Variants in INTS14 observed in about 807,000 individuals in gnomAD.
INTS14 encodes UPF0464 protein C15orf44.
A neutral mutation model predicts 56.9 loss-of-function variants in INTS14; 27 were observed. That is an observed-to-expected ratio of 0.47 (90% CI 0.35 to 0.65). The LOEUF (loss-of-function observed/expected upper bound fraction) is 0.65, where lower values mean the gene tolerates loss of function less well. Ranked by LOEUF, INTS14 falls within the 30% of genes least tolerant of loss-of-function variation. INTS14 has a pLI of 0.00. For synonymous variants in INTS14, 207 were observed against 236.2 expected, an observed-to-expected ratio of 0.88 and a Z score of 1.13; for missense variants, 517 against 632.2, an observed-to-expected ratio of 0.82 and a Z score of 1.95.
chr15:65,591,732 C>G lies in INTS14; in HGVS notation c.987-1G>C. ...GTAGAGCATTCCATGCCATTCAGGA[C>G]TAGATGGAGAGAAGACGGAAGATCA... On this transcript the variant is annotated splice_acceptor_variant, in intron 8 of 11. Coordinates refer to ENST00000313182, the MANE Select transcript of INTS14 (RefSeq NM_001394796.1). LOFTEE classifies it high-confidence loss of function. The G allele has an allele frequency of 1.2e-6, 2 of 1,613,716 alleles. No individual in the cohort carries two copies. The highest frequency in any genetic ancestry group is 2.2e-5 in the South Asian group (2 of 91,008).
At chr15:65,601,506 C>T (rs1002961641) in intron 3 of INTS14, among the ~76,000 whole-genome samples, 1 of 152,134 alleles carries the variant, frequency 6.6e-6, no homozygotes, top group Non-Finnish European at 1.5e-5. Context: ...TAAAGCCCAC[C>T]TAATTTTTGT....
At chr15:65,579,684 A>G (rs370054309) in intron 11 of INTS14, 25 bp from the exon 12 acceptor site, 30 of 1,604,330 alleles carry the variant, frequency 1.9e-5, no homozygotes, top group African/African-American at 1.2e-4. Flanking sequence ...AAAATCACCA[A>G]TGCTCCTGAA....
At chr15:65,607,029 G>A in intron 2 of INTS14, 130 bp downstream of exon 2, 4 of 1,161,246 alleles carry the variant, frequency 3.4e-6, no homozygotes, top group Non-Finnish European at 4.8e-6. Context: ...TTGCTGTTTA[G>A]TTACACATAT....
At chr15:65,610,778 TG>T in intron 1 of INTS14, 1 of 1,535,632 alleles carries the variant, frequency 6.5e-7, no homozygotes. Flanking sequence ...AAATCACATC[TG>T]GGAGATGTAT....
intron 9 of INTS14, among the ~76,000 whole-genome samples, chr15:65,589,469 A>G (rs1421411808): frequency 6.6e-6 from 1 of 152,110 alleles, no homozygotes; most frequent in Non-Finnish European, 1.5e-5. Context: ...AATATTTATC[A>G]TTTCTTTGTG....
chr15:65,594,557 T>TA (rs2073145279), intron 7 of INTS14, among the ~76,000 whole-genome samples: 1 of 116,084 alleles, frequency 8.6e-6, no homozygotes, highest in Admixed American at 8.0e-5. Flanking sequence ...TACGCCCAGG[T>TA]TTTTTTTTTT....
intron 11 of INTS14, among the ~76,000 whole-genome samples, chr15:65,580,587 A>G (rs536247127): frequency 6.6e-6 from 1 of 152,314 alleles, no homozygotes; most frequent in Admixed American, 6.5e-5. Context: ...CTTACTACAT[A>G]ATTAAGTTTG....
rs2073032298 is a variant in INTS14, at chr15:65,591,595, T to C, written c.1120+3A>G. ...GATAAGTAAAATCTGATCTGGATTA[T>C]ACCTGAAATAGGACCCAACTGTGCC... On this transcript the variant is annotated splice_donor_region_variant and intron_variant, in intron 9 of 11. Transcript: ENST00000313182. The C allele has an allele frequency of 1.9e-6, 3 of 1,613,496 alleles. No homozygotes were observed. The highest frequency in any genetic ancestry group is 1.1e-5 in the South Asian group (1 of 90,944).
rs780991986 is a variant in INTS14, at chr15:65,595,874, C to T, written c.749-49G>A. The T allele has an allele frequency of 5.1e-6, 7 of 1,381,744 alleles. No homozygotes were observed. In the East Asian group the frequency reaches 1.4e-4, roughly 28 times the overall value. 85.6% of individuals were successfully genotyped at this position (1,381,744 alleles called of 1,614,324 possible). ...AATTAATTCATTCTATGGAAAAGTA[C>T]ATTATTTTCCATGTATTACATTTCA... is the stretch of plus-strand genomic sequence containing the variant. On this transcript the variant is annotated intron_variant, in intron 6 of 11. Transcript: ENST00000313182.
chr15:65,591,911 C>A (rs2073047728), intron 8 of INTS14, among the ~76,000 whole-genome samples, 180 bp from the exon 9 acceptor site: 2 of 152,202 alleles, frequency 1.3e-5, no homozygotes, highest in Admixed American at 6.5e-5. Context: ...CCTAATATTT[C>A]CATTCTTCTG....
At chr15:65,591,159 GAAGAA>G (rs1459986470) in intron 9 of INTS14, among the ~76,000 whole-genome samples, 1 of 152,118 alleles carries the variant, frequency 6.6e-6, no homozygotes, top group East Asian at 1.9e-4. Context: ...GAGGCAAGGA[GAAGAA>G]AAGACAAAAC....
rs749075069 is a variant in INTS14 at position 65,605,118 on chromosome 15, T to C, written c.330+11A>G. 8 of 1,606,850 alleles carry C rather than the reference T, an allele frequency of 5.0e-6. No homozygotes were observed. Among genetic ancestry groups the C allele is most frequent in the South Asian group, 4.4e-5 (4 of 90,896 alleles). On this transcript the variant is annotated intron_variant, in intron 3 of 11. Transcript: ENST00000313182. ...GTTAACTTAGGGCAATGAAAAAGAA[T>C]TGATCATTACCTGGCAAGGAATTGC... is the stretch of plus-strand genomic sequence containing the variant.
At chr15:65,586,033 C>T (rs2072807899) in intron 9 of INTS14, among the ~76,000 whole-genome samples, 1 of 152,152 alleles carries the variant, frequency 6.6e-6, no homozygotes, top group Non-Finnish European at 1.5e-5. Flanking sequence ...CCTGCTATTT[C>T]TATTACTCCT....
At position 65,593,501 on chromosome 15, in the gene INTS14, T is replaced by G; in HGVS notation, c.913A>C (p.Lys305Gln). 1 of 1,614,004 alleles carries G rather than the reference T, an allele frequency of 6.2e-7. No homozygotes were observed. The highest frequency in any genetic ancestry group is 8.5e-7 in the Non-Finnish European group (1 of 1,179,962). ...AGCAGGACACAAAAGTTGGGTATTT[T>G]GCCTGCAATCTGATTGGCTGAATTT... The part of the protein sequence containing the change: ...DENSANQIAG[K>Q]IPNFCVLLHG... The change falls in exon 8 of 12, where the codon AAA becomes CAA. Residue 305 changes from lysine (K) to glutamine (Q), a missense_variant. Physicochemically the swap from Lys to Gln is moderately conservative, Grantham distance 53. Coordinates refer to ENST00000313182, the MANE Select transcript of INTS14 (RefSeq NM_001394796.1).
At chr15:65,583,079 C>T (rs2072684817) in intron 10 of INTS14, among the ~76,000 whole-genome samples, 1 of 152,178 alleles carries the variant, frequency 6.6e-6, no homozygotes, top group South Asian at 2.1e-4. Context: ...AACACTTATA[C>T]ACTGCTAGCA....
intron 10 of INTS14, among the ~76,000 whole-genome samples, chr15:65,583,411 A>G (rs1322480126): frequency 1.3e-5 from 2 of 152,328 alleles, no homozygotes; most frequent in East Asian, 3.9e-4. Flanking sequence ...ACATCATGCT[A>G]AGTACAAGAA....
At position 65,599,811 on chromosome 15, in the gene INTS14, G is replaced by C; in HGVS notation, c.449C>G (p.Ser150Cys). 1 of 1,614,172 alleles carries C rather than the reference G, an allele frequency of 6.2e-7. No individual in the cohort carries two copies. Among genetic ancestry groups the C allele is most frequent in the South Asian group, 1.1e-5 (1 of 91,090 alleles). The stretch of plus-strand genomic sequence containing the variant: ...CGCCATGCACATGATATATAACTTA[G>C]ATGGGAAAGGAAAAGGTAGTGGAAA... ...NRFPLPFPFPSKLYIMCMANL... is the reference protein window; with the variant it reads ...NRFPLPFPFPCKLYIMCMANL... The change falls in exon 4 of 12, where the codon TCT becomes TGT. Residue 150 changes from serine to cysteine, a missense_variant. Transcript: ENST00000313182.
chr15:65,591,858 T>C, intron 8 of INTS14, 127 bp from the exon 9 acceptor site: 1 of 1,054,704 alleles, frequency 9.5e-7, no homozygotes, highest in Admixed American at 3.0e-5. Context: ...ACACTACTTT[T>C]ACCAAAGCCA....
intron 7 of INTS14, 121 bp downstream of exon 7, chr15:65,595,612 C>A: frequency 1.4e-6 from 1 of 732,434 alleles, no homozygotes; most frequent in Non-Finnish European, 2.3e-6. Context: ...TTTCTAAAAT[C>A]CAATTCTGTA....
Sources: gnomAD v4.1 joint callset for allele counts (sites outside exome capture counted in the v4.1 genomes callset) on GRCh38, gnomAD v4.1.1 for gene constraint, MANE v1.5 for transcripts, NCBI Gene and HGNC (gene_info 2026-07-23, HGNC 2026-07-21) for gene names.